PHC2: variants seen among roughly 807,000 people sequenced by gnomAD.
PHC2 encodes polyhomeotic homolog 2, also known as polyhomeotic-like protein 2.
Under a neutral mutation model 87.4 loss-of-function variants are expected in PHC2, and 29 were observed. The ratio of observed to expected loss-of-function variants is 0.33; its 90% confidence interval spans 0.25 to 0.45. The LOEUF (loss-of-function observed/expected upper bound fraction) is 0.45, where lower values mean the gene tolerates loss of function less well. Ranked by LOEUF, PHC2 falls within the 20% of genes least tolerant of loss-of-function variation. The probability of loss-of-function intolerance (pLI) is 1.00; values close to 1 mark genes in which losing one functional copy is unlikely to be tolerated. For missense variants in PHC2, 857 were observed against 1,136.7 expected, an observed-to-expected ratio of 0.75 and a Z score of 3.54; for synonymous variants, 438 against 461.7, an observed-to-expected ratio of 0.95 and a Z score of 0.66.
rs1647345076 is a variant in PHC2, at chr1:33,364,670, C to T, written c.976+2446G>A. On this transcript the variant is annotated intron_variant, in intron 7 of 14. Coordinates refer to ENST00000683057, the MANE Select transcript of PHC2 (RefSeq NM_001385109.1). The surrounding 1 kb of genome is among the most constrained non-coding windows in gnomAD (Gnocchi z 4.1). The stretch of plus-strand genomic sequence containing the variant: ...CATATGGGAGGTGGGAGTGGGGCAG[C>T]GCCATCTCTGGGCTTACAGAGAGGA... Among the ~76,000 whole-genome samples the T allele has an allele frequency of 6.6e-6, 1 of 152,252 alleles. No individual in the cohort carries two copies. The highest frequency in any genetic ancestry group is 6.5e-5 in the Admixed American group (1 of 15,298).
chr1:33,360,290 T>G (rs934614882), intron 7 of PHC2, among the ~76,000 whole-genome samples: 17 of 152,250 alleles, frequency 1.1e-4, no homozygotes, highest in African/African-American at 3.9e-4. Flanking sequence ...TACCAAATAC[T>G]TGCTGTGTAC....
chr1:33,376,856 G>T (rs1034607474), intron 1 of PHC2, among the ~76,000 whole-genome samples: 1 of 152,184 alleles, frequency 6.6e-6, no homozygotes, highest in African/African-American at 2.4e-5. Context: ...TTGAACCCAG[G>T]AGACAGAGGT....
intron 3 of PHC2, among the ~76,000 whole-genome samples, chr1:33,371,341 AGCACTC>A (rs57579251): frequency 0.29 from 43,649 of 151,662 alleles, 7,105 homozygotes; most frequent in Admixed American, 0.45. Flanking sequence ...ATTGCCACTG[AGCACTC>A]CAACTATTAG....
At chr1:33,419,278 C>T (rs1210464332) in intron 1 of PHC2, among the ~76,000 whole-genome samples, 3 of 152,068 alleles carry the variant, frequency 2.0e-5, no homozygotes, top group African/African-American at 7.2e-5. Context: ...AAGTGACTAC[C>T]CTCATTGTTT....
intron 9 of PHC2, 123 bp downstream of exon 9, chr1:33,354,278 C>T: frequency 1.1e-6 from 1 of 869,692 alleles, no homozygotes; most frequent in Non-Finnish European, 1.8e-6. Flanking sequence ...TGTTTCCAAC[C>T]CCCCAGCTTC....
At chr1:33,426,509 T>G (rs1650677526) in intron 1 of PHC2, among the ~76,000 whole-genome samples, 1 of 152,216 alleles carries the variant, frequency 6.6e-6, no homozygotes, top group African/African-American at 2.4e-5. Context: ...AATGAACTTG[T>G]GTTGTATTTA....
At position 33,369,565 on chromosome 1, in the gene PHC2, G is replaced by A. The variant is rs1455134475; in HGVS notation, c.576+856C>T. On this transcript the variant is annotated intron_variant, in intron 5 of 14. Coordinates refer to ENST00000683057, the MANE Select transcript of PHC2 (RefSeq NM_001385109.1). The surrounding 1 kb of genome is among the most constrained non-coding windows in gnomAD (Gnocchi z 4.7). Reference sequence around the variant, plus strand: ...GGCTGTTCCCTGGGGATAGAGATGCGCCTCAAATGATGAACTCAGAGCCAA... The same window carrying A: ...GGCTGTTCCCTGGGGATAGAGATGCACCTCAAATGATGAACTCAGAGCCAA... Among the ~76,000 whole-genome samples the A allele has an allele frequency of 2.6e-5, 4 of 152,168 alleles. No homozygotes were observed. The highest frequency in any genetic ancestry group is 4.4e-5 in the Non-Finnish European group (3 of 68,034).
At chr1:33,347,610 G>C (rs1456792188) in intron 9 of PHC2, 2 of 985,290 alleles carry the variant, frequency 2.0e-6, no homozygotes, top group African/African-American at 3.5e-5. Flanking sequence ...AAACATAGTT[G>C]GACAACTGAG....
chr1:33,324,179 C>T lies in PHC2; in HGVS notation c.*686G>A, dbSNP rs1333695751. ...CCCCATCCTGAGGCTGAGTGGAGTC[C>T]AGGACAAAGCACTAAGTGGCTGTTT... On this transcript the variant is annotated 3_prime_UTR_variant, in exon 15 of 15. Coordinates refer to ENST00000683057, the MANE Select transcript of PHC2 (RefSeq NM_001385109.1). 1 of 152,742 alleles carries T rather than the reference C, an allele frequency of 6.5e-6. No homozygotes were observed. The highest frequency in any genetic ancestry group is 1.5e-5 in the Non-Finnish European group (1 of 68,136). The allele number at this position is 152,742 out of a possible 1,614,324, so 9.5% of individuals were successfully genotyped here.
intron 1 of PHC2, among the ~76,000 whole-genome samples, chr1:33,394,394 A>G (rs769500518): frequency 1.3e-4 from 20 of 152,192 alleles, no homozygotes; most frequent in Non-Finnish European, 2.8e-4. Context: ...CATAGGCACC[A>G]AAAGGTCTTT....
chr1:33,413,191 T>C (rs1570513345), intron 1 of PHC2, among the ~76,000 whole-genome samples: 1 of 152,318 alleles, frequency 6.6e-6, no homozygotes, highest in South Asian at 2.1e-4. Context: ...GGTCTCGAAC[T>C]CCTGACCTCA....
intron 1 of PHC2, among the ~76,000 whole-genome samples, chr1:33,420,095 C>T (rs1650374625): frequency 1.3e-5 from 2 of 152,174 alleles, no homozygotes; most frequent in Non-Finnish European, 2.9e-5. Flanking sequence ...CTATTTATCA[C>T]TAGGGAAGGC....
At chr1:33,386,839 C>T (rs185235713) in intron 1 of PHC2, among the ~76,000 whole-genome samples, 1 of 152,146 alleles carries the variant, frequency 6.6e-6, no homozygotes, top group African/African-American at 2.4e-5. Context: ...AGCACACACA[C>T]AGCACATACA....
At chr1:33,372,231 T>C (rs1647892139) in intron 3 of PHC2, 58 bp downstream of exon 3, 4 of 1,466,732 alleles carry the variant, frequency 2.7e-6, no homozygotes, top group South Asian at 1.4e-5. Context: ...TTCCTCTCCC[T>C]TTTGCTTCCA....
chr1:33,395,848 G>A (rs1248416498), intron 1 of PHC2, among the ~76,000 whole-genome samples: 1 of 152,148 alleles, frequency 6.6e-6, no homozygotes, highest in Non-Finnish European at 1.5e-5. Flanking sequence ...CAGAGATGAT[G>A]GCAATCACAC....
intron 1 of PHC2, among the ~76,000 whole-genome samples, chr1:33,425,548 G>A (rs1998624): frequency 0.72 from 109,088 of 152,182 alleles, 39,885 homozygotes; most frequent in African/African-American, 0.86. Flanking sequence ...ATGAGATGCT[G>A]AAGTACGAAG....
At chr1:33,370,642 C>G (rs1029746713) in intron 4 of PHC2, 57 bp from the exon 5 acceptor site, 2 of 1,496,044 alleles carry the variant, frequency 1.3e-6, no homozygotes, top group Non-Finnish European at 1.8e-6. Context: ...GAGCTGTGTC[C>G]CCCTCATCCA....
At chr1:33,347,399 T>C (rs1646864424) in intron 9 of PHC2, 4 of 985,250 alleles carry the variant, frequency 4.1e-6, no homozygotes, top group Non-Finnish European at 3.6e-6. Context: ...GGTCCTTCTT[T>C]ACTTAGAGGG....
rs777492781 is a variant in PHC2 at position 33,355,107 on chromosome 1, G to A, written c.1123C>T (p.His375Tyr). Residue 375 changes from histidine to tyrosine, a missense_variant, in exon 8 of 15, where the codon CAC (histidine) becomes TAC (tyrosine). Coordinates refer to ENST00000683057, the MANE Select transcript of PHC2 (RefSeq NM_001385109.1). ...GGAGAGACTGAGGCGAGCTGGGGGT[G>A]GGGCTCAGCTTGGAGCACAGGCCGT... ...QSRPVLQAEP[H>Y]PQLASVSPSV... 1.2e-6 allele frequency: 2 copies of A among 1,611,308 alleles called. No individual in the cohort carries two copies. Among genetic ancestry groups the A allele is most frequent in the East Asian group, 2.2e-5 (1 of 44,798 alleles).
Sources: gnomAD v4.1 joint callset for allele counts (sites outside exome capture counted in the v4.1 genomes callset) on GRCh38, gnomAD v4.1.1 for gene constraint, Gnocchi (gnomAD v3.1) non-coding constraint, MANE v1.5 for transcripts, NCBI Gene and HGNC (gene_info 2026-07-23, HGNC 2026-07-21) for gene names.